The following LRP1B variants were observed in gnomAD, a reference collection of about 807,000 sequenced individuals.
The protein encoded by LRP1B is LDL receptor related protein 1B.
A neutral mutation model predicts 556.6 loss-of-function variants in LRP1B; 217 were observed. The observed-to-expected ratio is 0.39, with a 90% CI of 0.35 to 0.44. The LOEUF (loss-of-function observed/expected upper bound fraction) is 0.44. Ranked by LOEUF, LRP1B falls within the 20% of genes least tolerant of loss-of-function variation. The pLI, the probability that LRP1B is intolerant of heterozygous loss-of-function variation, is 1.00. For synonymous variants in LRP1B, 2,047 were observed against 1,865.8 expected, an observed-to-expected ratio of 1.10 and a Z score of -2.50; for missense variants, 5,053 against 5,620.8, an observed-to-expected ratio of 0.90 and a Z score of 3.23.
At chr2:140,930,064 G>A (rs1189038772) in intron 20 of LRP1B, among the ~76,000 whole-genome samples, 1 of 152,014 alleles carries the variant, frequency 6.6e-6, no homozygotes, top group Admixed American at 6.6e-5. Context: ...TCCAGCTTGA[G>A]TTCCAAGCCG....
chr2:141,082,064 T>C (rs986734876), intron 7 of LRP1B, among the ~76,000 whole-genome samples: 6 of 152,230 alleles, frequency 3.9e-5, no homozygotes, highest in Middle Eastern at 3.4e-3. Flanking sequence ...GGAAAAAAGA[T>C]AAAGGAACAG....
chr2:140,774,534 T>C (rs182041542), intron 33 of LRP1B, among the ~76,000 whole-genome samples: 82 of 152,296 alleles, frequency 5.4e-4, no homozygotes, highest in African/African-American at 1.9e-3. Flanking sequence ...TATTTTTAAA[T>C]GCTCTGTTTG....
chr2:142,001,597 T>C (rs1304286523), intron 1 of LRP1B, among the ~76,000 whole-genome samples: 2 of 152,182 alleles, frequency 1.3e-5, no homozygotes, highest in East Asian at 3.9e-4. Context: ...TGAAATGAAT[T>C]CAGATTCTTT....
intron 22 of LRP1B, among the ~76,000 whole-genome samples, chr2:140,904,178 T>C (rs772833319): frequency 1.7e-4 from 26 of 152,084 alleles, no homozygotes; most frequent in African/African-American, 6.0e-4. Flanking sequence ...AAAGCACACA[T>C]TGTCCTAAAA....
chr2:140,703,391 C>G (rs147878817), intron 37 of LRP1B, among the ~76,000 whole-genome samples: 342 of 152,168 alleles, frequency 2.2e-3, no homozygotes, highest in African/African-American at 7.8e-3. Flanking sequence ...ATGTATTTCA[C>G]TCATTCATTC....
At chr2:141,335,975 G>C (rs1687832219) in intron 3 of LRP1B, among the ~76,000 whole-genome samples, 1 of 152,182 alleles carries the variant, frequency 6.6e-6, no homozygotes, top group East Asian at 1.9e-4. Context: ...GTTTTTACTT[G>C]TCCTTTGTGA....
chr2:140,502,894 G>C (rs1159363222), intron 54 of LRP1B, 69 bp downstream of exon 54: 4 of 1,518,478 alleles, frequency 2.6e-6, no homozygotes, highest in Non-Finnish European at 3.6e-6. Flanking sequence ...TACTATACTA[G>C]ACAGAAAATC....
At chr2:140,426,452 C>T (rs1007301696) in intron 66 of LRP1B, among the ~76,000 whole-genome samples, 1 of 151,688 alleles carries the variant, frequency 6.6e-6, no homozygotes, top group African/African-American at 2.4e-5. Context: ...TTTACACATC[C>T]AGATGGCCGG....
intron 83 of LRP1B, among the ~76,000 whole-genome samples, chr2:140,312,334 T>C (rs1684337836): frequency 6.6e-6 from 1 of 151,958 alleles, no homozygotes; most frequent in Admixed American, 6.6e-5. Context: ...GTCTCAAAAG[T>C]ACAAACCCTC....
At chr2:140,400,644 G>A (rs199519478) in intron 66 of LRP1B, among the ~76,000 whole-genome samples, 1 of 152,108 alleles carries the variant, frequency 6.6e-6, no homozygotes, top group East Asian at 1.9e-4. Context: ...TCTTCCACTT[G>A]GAAGGAGAGA....
intron 25 of LRP1B, among the ~76,000 whole-genome samples, chr2:140,870,847 A>T (rs1032533220): frequency 6.1e-4 from 93 of 151,986 alleles, no homozygotes; most frequent in African/African-American, 1.5e-3. Context: ...ACTTCCTTTT[A>T]AAAAAAATTT....
At chr2:141,899,343 T>C (rs1042825564) in intron 1 of LRP1B, among the ~76,000 whole-genome samples, 1 of 152,140 alleles carries the variant, frequency 6.6e-6, no homozygotes, top group South Asian at 2.1e-4. Flanking sequence ...ATGTGGCATA[T>C]GCTGTGGTAA....
At chr2:141,060,719 C>T (rs929164643) in intron 8 of LRP1B, among the ~76,000 whole-genome samples, 3 of 151,738 alleles carry the variant, frequency 2.0e-5, no homozygotes, top group Admixed American at 6.6e-5. Context: ...CACTACCTCC[C>T]TATCTTCCTT....
intron 2 of LRP1B, among the ~76,000 whole-genome samples, chr2:141,635,128 A>AAAAAGAAAAG (rs143270859): frequency 6.6e-6 from 1 of 151,674 alleles, no homozygotes; most frequent in Non-Finnish European, 1.5e-5. Flanking sequence ...CAACCCTGCA[A>AAAAAGAAAAG]AAAAGAAAAG....
intron 84 of LRP1B, among the ~76,000 whole-genome samples, chr2:140,285,091 ATCTC>A (rs566280955): frequency 2.0e-5 from 3 of 149,316 alleles, no homozygotes; most frequent in East Asian, 2.0e-4. Context: ...TAATCCCTAT[ATCTC>A]TCTCTCTATA....
intron 7 of LRP1B, among the ~76,000 whole-genome samples, chr2:141,127,997 A>G (rs561294775): frequency 6.6e-6 from 1 of 152,152 alleles, no homozygotes; most frequent in Non-Finnish European, 1.5e-5. Flanking sequence ...TAAATTATTT[A>G]TTATTTTTTA....
chr2:140,893,885 T>C (rs1273148569), intron 23 of LRP1B, among the ~76,000 whole-genome samples: 2 of 152,082 alleles, frequency 1.3e-5, no homozygotes, highest in South Asian at 4.1e-4. Flanking sequence ...ATGATGAAAA[T>C]AGCAATAATG....
chr2:141,679,445 G>A (rs78848778), intron 2 of LRP1B, among the ~76,000 whole-genome samples: 1 of 152,116 alleles, frequency 6.6e-6, no homozygotes, highest in Admixed American at 6.6e-5. Context: ...CTAAAAGTCT[G>A]ATTATAACGA....
intron 3 of LRP1B, among the ~76,000 whole-genome samples, chr2:141,283,854 A>C (rs1330486730): frequency 6.6e-6 from 1 of 152,078 alleles, no homozygotes; most frequent in Admixed American, 6.6e-5. Context: ...GACACTTGTC[A>C]TAAAAAGGAA....
Sources: allele counts gnomAD v4.1 joint callset (sites outside exome capture counted in the v4.1 genomes callset), GRCh38; gene constraint gnomAD v4.1.1; transcripts MANE v1.5; gene names NCBI Gene and HGNC (gene_info 2026-07-23, HGNC 2026-07-21).